The following FBN3 variants were observed in gnomAD, a reference collection of about 807,000 sequenced individuals.
FBN3 encodes the protein fibrillin 3, also known as fibrillin-3.
Under a neutral mutation model 330.1 loss-of-function variants are expected in FBN3, and 234 were observed. The observed-to-expected ratio is 0.71, with a 90% CI of 0.64 to 0.79. The LOEUF is 0.79. Among genes scored for constraint, FBN3 ranks in the 30% least tolerant of loss-of-function variants. The pLI is 0.00. For synonymous variants in FBN3, 1,458 were observed against 1,517.3 expected (o/e 0.96, Z 0.91); for missense variants, 3,606 against 3,886.9 (o/e 0.93, Z 1.92).
chr19:8,126,674 C>G (rs781183423), intron 19 of FBN3, 39 bp downstream of exon 19: 2 of 1,587,706 alleles, frequency 1.3e-6, no homozygotes, highest in Admixed American at 1.7e-5. Flanking sequence ...CCATAGACGC[C>G]CAGCCTCTGG....
chr19:8,085,338 G>T, intron 56 of FBN3, 25 bp downstream of exon 56: 1 of 1,548,366 alleles, frequency 6.5e-7, no homozygotes, highest in Non-Finnish European at 8.7e-7. Flanking sequence ...GCCTCCCTGG[G>T]GGTCCTGAGG....
At chr19:8,136,622 C>T in intron 10 of FBN3, 91 bp from the exon 11 acceptor site, 2 of 1,543,388 alleles carry the variant, frequency 1.3e-6, no homozygotes, top group African/African-American at 1.4e-5. Flanking sequence ...CCAGATACCC[C>T]CTCTAAGGCT....
chr19:8,143,265 A>G (rs2145049304), intron 6 of FBN3, among the ~76,000 whole-genome samples: 1 of 152,164 alleles, frequency 6.6e-6, no homozygotes, highest in South Asian at 2.1e-4. Flanking sequence ...CCGCCATCTC[A>G]GCCCCAGGCC....
chr19:8,074,792 C>A (rs1568355116), intron 61 of FBN3: 1 of 413,712 alleles, frequency 2.4e-6, no homozygotes, highest in East Asian at 4.2e-5. Flanking sequence ...CACTCTTTCC[C>A]TGTGATCACA....
At chr19:8,118,605 C>T (rs1306587756) in intron 26 of FBN3, among the ~76,000 whole-genome samples, 2 of 138,468 alleles carry the variant, frequency 1.4e-5, no homozygotes, top group African/African-American at 6.0e-5. Flanking sequence ...AAACACTCCC[C>T]CTTGTACAGA....
In FBN3 at chr19:8,094,507, G is replaced by A. The variant is rs535146303; in HGVS notation, c.5844C>T (p.Leu1948=). The change falls in exon 47 of 64, where the codon CTC becomes CTT. Residue 1948 remains leucine (L), a synonymous_variant. Transcript: ENST00000600128. ...GACAGATGCAGCGGAAGGAGCCCTC[G>A]AGGTTCTGGCAAGTGCCGGGTAGGC... The part of the protein sequence containing the change: ...GTCLPGTCQN[L]EGSFRCICPP... The A allele has an allele frequency of 2.8e-5, 45 of 1,613,916 alleles. No homozygotes were observed. In the East Asian group the frequency reaches 3.6e-4, roughly 13 times the overall value.
At chr19:8,117,934 C>T (rs2082744041) in intron 26 of FBN3, among the ~76,000 whole-genome samples, 1 of 151,922 alleles carries the variant, frequency 6.6e-6, no homozygotes, top group African/African-American at 2.4e-5. Context: ...TCACAACACA[C>T]CTTATATCCA....
intron 61 of FBN3, 73 bp from the exon 62 acceptor site, chr19:8,073,370 T>A: frequency 1.6e-6 from 2 of 1,242,570 alleles, no homozygotes; most frequent in Non-Finnish European, 2.3e-6. Context: ...CCCAGAGCCC[T>A]CCACCTGGAA....
chr19:8,102,975 T>C (rs2082358443), intron 39 of FBN3, 102 bp from the exon 40 acceptor site: 1 of 1,276,120 alleles, frequency 7.8e-7, no homozygotes, highest in Non-Finnish European at 1.1e-6. Flanking sequence ...CATTTGAAGA[T>C]TACTGGCTTG....
chr19:8,087,225 G>C lies in FBN3; in HGVS notation c.6620-14C>G. ...ACTCGTCCACATCTTCGGATGACCA[G>C]AGACAGATGGTCAGTCAAGGCCAGG... is the stretch of plus-strand genomic sequence containing the variant. On this transcript the variant is annotated splice_polypyrimidine_tract_variant and intron_variant, in intron 53 of 63. Transcript: ENST00000600128. 1 of 1,571,982 alleles carries C rather than the reference G, an allele frequency of 6.4e-7. No individual in the cohort carries two copies. The highest frequency in any genetic ancestry group is 8.6e-7 in the Non-Finnish European group (1 of 1,161,652).
chr19:8,145,695 A>T, intron 5 of FBN3, 148 bp downstream of exon 5: 1 of 588,842 alleles, frequency 1.7e-6, no homozygotes. Context: ...AAAAAAAAAA[A>T]AAAAAGAGAC....
In FBN3 at chr19:8,091,553, G is replaced by A. The variant is rs143665907; in HGVS notation, c.5943C>T (p.Leu1981=). 1.2e-6 allele frequency: 2 copies of A among 1,614,206 alleles called. No homozygotes were observed. Among genetic ancestry groups the A allele is most frequent in the African/African-American group, 1.3e-5 (1 of 75,046 alleles). The change falls in exon 48 of 64, where the codon CTC becomes CTT. Residue 1981 remains leucine, a synonymous_variant. Coordinates refer to ENST00000600128, the MANE Select transcript of FBN3 (RefSeq NM_032447.5). The stretch of plus-strand genomic sequence containing the variant: ...CAGGGCTGTTGGTACAGGTGCCAAA[G>A]AGGCAGAGGTTGGGCTCCTCTGAGC... ...DECSEEPNLC[L]FGTCTNSPGS...
intron 21 of FBN3, 51 bp downstream of exon 21, chr19:8,126,246 T>C: frequency 1.3e-6 from 2 of 1,557,214 alleles, no homozygotes; most frequent in South Asian, 1.2e-5. Flanking sequence ...TGCGCCTGGT[T>C]GTGTGCGGGC....
In FBN3 at chr19:8,091,187, C is replaced by T. The variant is rs543089936; in HGVS notation, c.6031+278G>A. 2.0e-5 allele frequency among the ~76,000 whole-genome samples: 3 copies of T among 152,306 alleles called. No individual in the cohort carries two copies. The South Asian group carries it at 6.2e-4, about 32-fold the overall frequency. On this transcript the variant is annotated intron_variant, in intron 48 of 63. Transcript: ENST00000600128. ...CTAGGCTAGCTCAAACTGGACAAAA[C>T]CAGCCCATTGACAGCCTACAGTCAT...
intron 56 of FBN3, among the ~76,000 whole-genome samples, chr19:8,083,673 C>T (rs2081861872): frequency 6.6e-6 from 1 of 151,890 alleles, no homozygotes; most frequent in Admixed American, 6.6e-5. Flanking sequence ...GTGCATGCAA[C>T]ATGATACACT....
chr19:8,137,489 C>T (rs2061776), intron 10 of FBN3, among the ~76,000 whole-genome samples: 26,939 of 151,950 alleles, frequency 0.18, 2,731 homozygotes, highest in African/African-American at 0.26. Context: ...CCAGAGATGC[C>T]CAGACTCCCA....
chr19:8,136,039 A>G lies in FBN3; in HGVS notation c.1513T>C (p.Cys505Arg), dbSNP rs2083271678. The G allele has an allele frequency of 1.2e-6, 2 of 1,608,436 alleles. No individual in the cohort carries two copies. The highest frequency in any genetic ancestry group is 1.7e-6 in the Non-Finnish European group (2 of 1,177,528). The change falls in exon 13 of 64, where the codon TGT (cysteine) becomes CGT (arginine). Residue 505 changes from cysteine (C) to arginine (R), a missense_variant. Coordinates refer to ENST00000600128, the MANE Select transcript of FBN3 (RefSeq NM_032447.5). ...TGGAAGCTGCCCTCTGTGTTGACAC[A>G]GCGGCCCAGGTGACAAAGGCCACCA... ...VSGGLCHLGR[C>R]VNTEGSFQCV...
intron 38 of FBN3, among the ~76,000 whole-genome samples, chr19:8,104,982 T>A (rs935902148): frequency 6.6e-6 from 1 of 151,830 alleles, no homozygotes; most frequent in African/African-American, 2.4e-5. Context: ...TGAGACAGAG[T>A]CTCACTCTGT....
At chr19:8,086,985 T>C in intron 54 of FBN3, 92 bp downstream of exon 54, 1 of 1,457,900 alleles carries the variant, frequency 6.9e-7, no homozygotes, top group East Asian at 2.6e-5. Flanking sequence ...GGATGACAGG[T>C]ATGAGTCACC....
Sources: allele counts gnomAD v4.1 joint callset (sites outside exome capture counted in the v4.1 genomes callset), GRCh38; gene constraint gnomAD v4.1.1; transcripts MANE v1.5; gene names NCBI Gene and HGNC (gene_info 2026-07-23, HGNC 2026-07-21).